Variants in ZC3H12B observed in about 807,000 individuals in gnomAD.
ZC3H12B encodes the protein zinc finger CCCH-type containing 12B, also known as probable ribonuclease ZC3H12B.
Under a neutral mutation model 43.9 loss-of-function variants are expected in ZC3H12B, and 7 were observed. That is an observed-to-expected ratio of 0.16 (90% CI 0.09 to 0.30). ZC3H12B has a LOEUF of 0.30. Ranked by LOEUF, ZC3H12B falls within the 10% of genes least tolerant of loss-of-function variation. ZC3H12B has a pLI of 1.00. For missense variants in ZC3H12B, 475 were observed against 670.2 expected, an observed-to-expected ratio of 0.71 and a Z score of 3.22; for synonymous variants, 222 against 241.7, an observed-to-expected ratio of 0.92 and a Z score of 0.76.
chrX:65,405,041 T>A (rs1242613414), intron 3 of ZC3H12B, among the ~76,000 whole-genome samples: 1 of 112,121 alleles, frequency 8.9e-6, no homozygotes, highest in African/African-American at 3.2e-5. Flanking sequence ...AAATTAATGA[T>A]AAGATAAATT....
chrX:65,499,889 G>A (rs1213504004), exon 4 of ZC3H12B: 2 of 1,207,181 alleles, frequency 1.7e-6, no homozygotes, highest in Non-Finnish European at 2.2e-6. Context: ...TCAGATTTAT[G>A]CCTCCAGATG....
At chrX:65,099,075 G>A in the ZC3H12B span, among the ~76,000 whole-genome samples, 2 of 111,639 alleles carry the variant, frequency 1.8e-5, no homozygotes, top group African/African-American at 3.3e-5. Context: ...TGAGACTTGA[G>A]TAGGTGGCTT....
intron 3 of ZC3H12B, among the ~76,000 whole-genome samples, chrX:65,430,415 A>G (rs1426713862): frequency 2.8e-5 from 3 of 106,918 alleles, no homozygotes; most frequent in African/African-American, 1.0e-4. Flanking sequence ...ACATATGTAT[A>G]CATGTGTCAT....
chrX:65,455,719 G>A (rs953184915), intron 3 of ZC3H12B, among the ~76,000 whole-genome samples: 2 of 111,760 alleles, frequency 1.8e-5, no homozygotes, highest in East Asian at 5.6e-4. Flanking sequence ...ATTAAGGGCA[G>A]CCAGAGAGAA....
intron 3 of ZC3H12B, among the ~76,000 whole-genome samples, chrX:65,456,166 A>T (rs2067606104): frequency 9.0e-6 from 1 of 111,620 alleles, no homozygotes; most frequent in Admixed American, 9.5e-5. Context: ...TGCTCCAATT[A>T]AAAGACACAG....
At chrX:65,436,254 A>T (rs2067220884) in intron 3 of ZC3H12B, among the ~76,000 whole-genome samples, 1 of 111,940 alleles carries the variant, frequency 8.9e-6, no homozygotes, top group South Asian at 3.7e-4. Flanking sequence ...ATAACCTCCC[A>T]CTAGGCCCCT....
At chrX:65,328,488 C>T in the ZC3H12B span, 9 of 243,620 alleles carry the variant, frequency 3.7e-5, no homozygotes, top group East Asian at 9.8e-4. Flanking sequence ...TTTACTTTAT[C>T]TTCAACTCTG....
At chrX:65,047,008 C>T in the ZC3H12B span, among the ~76,000 whole-genome samples, 2 of 110,444 alleles carry the variant, frequency 1.8e-5, no homozygotes, top group African/African-American at 6.6e-5. Context: ...TGCCCCCAAA[C>T]AATTACAATA....
At chrX:65,291,752 A>G in the ZC3H12B span, among the ~76,000 whole-genome samples, 2 of 112,235 alleles carry the variant, frequency 1.8e-5, no homozygotes, top group Non-Finnish European at 3.8e-5. Context: ...ACTGTACACT[A>G]TACTTTAAAA....
At chrX:65,458,557 A>C (rs921814838) in intron 3 of ZC3H12B, among the ~76,000 whole-genome samples, 2 of 111,768 alleles carry the variant, frequency 1.8e-5, no homozygotes, top group African/African-American at 6.5e-5. Flanking sequence ...TAAGAAACTC[A>C]CTCAAAACCG....
At chrX:65,211,285 T>C in the ZC3H12B span, among the ~76,000 whole-genome samples, 1 of 109,020 alleles carries the variant, frequency 9.2e-6, no homozygotes, top group Admixed American at 1.0e-4. Context: ...TAGTTTCTTT[T>C]GCTGTAAGAA....
At chrX:65,152,664 G>A in the ZC3H12B span, among the ~76,000 whole-genome samples, 332 of 111,099 alleles carry the variant, frequency 3.0e-3, 2 homozygotes, top group Admixed American at 7.6e-3. Flanking sequence ...ACCGCTCAAG[G>A]TAATTTATAG....
At chrX:65,068,670 T>C in the ZC3H12B span, among the ~76,000 whole-genome samples, 1 of 111,913 alleles carries the variant, frequency 8.9e-6, no homozygotes, top group Non-Finnish European at 1.9e-5. Context: ...ACTGTGACAG[T>C]GTTATAATAT....
chrX:65,339,786 A>C, the ZC3H12B span, among the ~76,000 whole-genome samples: 1 of 111,684 alleles, frequency 9.0e-6, no homozygotes, highest in East Asian at 2.9e-4. Flanking sequence ...CAGAGAGCTC[A>C]AGTGGGGTGG....
At chrX:65,122,006 G>C in the ZC3H12B span, among the ~76,000 whole-genome samples, 1 of 111,572 alleles carries the variant, frequency 9.0e-6, no homozygotes, top group Non-Finnish European at 1.9e-5. Flanking sequence ...ACTGTGGTCT[G>C]AGAGACAGTT....
intron 3 of ZC3H12B, among the ~76,000 whole-genome samples, chrX:65,427,109 G>A (rs2067092542): frequency 9.0e-6 from 1 of 111,422 alleles, no homozygotes; most frequent in Non-Finnish European, 1.9e-5. Flanking sequence ...CTCTTTGAAG[G>A]TCTCTAAGAA....
chrX:65,217,511 G>A, the ZC3H12B span, among the ~76,000 whole-genome samples: 132 of 111,650 alleles, frequency 1.2e-3, 1 homozygote, highest in South Asian at 0.01. Flanking sequence ...GTGACTTCTC[G>A]GACATGGAAT....
chrX:65,196,698 G>T, the ZC3H12B span, among the ~76,000 whole-genome samples: 1 of 111,148 alleles, frequency 9.0e-6, no homozygotes, highest in Non-Finnish European at 1.9e-5. Flanking sequence ...AGCAGCCCTA[G>T]CTCCGTTACA....
At chrX:65,268,310 G>C in the ZC3H12B span, among the ~76,000 whole-genome samples, 1 of 111,452 alleles carries the variant, frequency 9.0e-6, no homozygotes, top group Non-Finnish European at 1.9e-5. Flanking sequence ...TTATTTTATG[G>C]CTGAATTCTA....
Sources: gnomAD v4.1 joint callset for allele counts (sites outside exome capture counted in the v4.1 genomes callset) on GRCh38, gnomAD v4.1.1 for gene constraint, MANE v1.5 for transcripts, NCBI Gene and HGNC (gene_info 2026-07-23, HGNC 2026-07-21) for gene names.